HIPK2: variants seen among roughly 807,000 people sequenced by gnomAD.
HIPK2 encodes homeodomain interacting protein kinase 2, also known as homeodomain-interacting protein kinase 2.
In HIPK2, 27 loss-of-function variants were observed where a neutral mutation model predicts 113.7. The ratio of observed to expected loss-of-function variants is 0.24; its 90% CI spans 0.17 to 0.33. The LOEUF (loss-of-function observed/expected upper bound fraction) is 0.33, where lower values mean the gene tolerates loss of function less well. HIPK2 is among the 10% of genes least tolerant of loss of function. The probability of loss-of-function intolerance (pLI) is 1.00; values close to 1 mark genes in which losing one functional copy is unlikely to be tolerated. For synonymous variants in HIPK2, 631 were observed against 642.2 expected (o/e 0.98, Z 0.26); for missense variants, 1,257 against 1,588.0 (o/e 0.79, Z 3.54).
intron 7 of HIPK2, among the ~76,000 whole-genome samples, chr7:139,615,995 T>C (rs1800028802): frequency 6.6e-6 from 1 of 152,166 alleles, no homozygotes. Context: ...GTTTTCTCCA[T>C]ATCGCGATCT....
In HIPK2 at chr7:139,664,891, T is replaced by TA. The variant is rs1196028159; in HGVS notation, c.1104-33167dup. ...ATCATTTGCATAGACATCCTACAGA[T>TA]ATCAGCTATTTACAACATACCAACA... On this transcript the variant is annotated intron_variant, in intron 2 of 14. Transcript: ENST00000406875. 9.8e-5 allele frequency among the ~76,000 whole-genome samples: 15 copies of TA among 152,340 alleles called. No homozygotes were observed. The South Asian group carries it at 2.7e-3, about 27-fold the overall frequency.
intron 1 of HIPK2, among the ~76,000 whole-genome samples, chr7:139,751,960 G>T (rs905819658): frequency 6.6e-6 from 1 of 152,058 alleles, no homozygotes; most frequent in Non-Finnish European, 1.5e-5. Context: ...AGAGAGAAAG[G>T]GAAGAAGAAA....
At chr7:139,755,885 TC>T (rs1796353972) in intron 1 of HIPK2, among the ~76,000 whole-genome samples, 2 of 152,236 alleles carry the variant, frequency 1.3e-5, no homozygotes, top group Admixed American at 1.3e-4. Context: ...CATCTGCCCT[TC>T]AGATACTGCT....
At chr7:139,715,795 CG>C in intron 2 of HIPK2, 136 bp downstream of exon 2, 4 of 1,237,496 alleles carry the variant, frequency 3.2e-6, no homozygotes, top group Non-Finnish European at 4.4e-6. Context: ...GTCCTAATTT[CG>C]TAAGTACATT....
intron 1 of HIPK2, among the ~76,000 whole-genome samples, chr7:139,734,004 C>T (rs1228184225): frequency 6.6e-6 from 1 of 152,178 alleles, no homozygotes; most frequent in Non-Finnish European, 1.5e-5. Flanking sequence ...TTTGTTACTG[C>T]TGTACAACTT....
Position 139,583,861 on chromosome 7 carries a change from G to A in HIPK2, c.2921C>T (p.Thr974Ile), listed in dbSNP as rs757498258. ...PRTIIVPPLK[T>I]QASEVLVECD... ...CTCCACCAATACTTCGCTGGCCTGG[G>A]TTTTCAGGGGTGGCACGATGATGGT... Residue 974 changes from threonine (T) to isoleucine (I), a missense_variant, in exon 13 of 15, where the codon ACC becomes ATC. Physicochemically the swap from Thr to Ile is moderately conservative, Grantham distance 89. Around this residue, in one of 5 missense-constraint regions of HIPK2, gnomAD observed 862 missense variants for 1,004.3 expected, o/e 0.86. Transcript: ENST00000406875. 1 of 1,613,256 alleles carries A rather than the reference G, an allele frequency of 6.2e-7. No individual in the cohort carries two copies. Among genetic ancestry groups the A allele is most frequent in the South Asian group, 1.1e-5 (1 of 90,914 alleles).
rs1017084929 is a variant in HIPK2, at chr7:139,613,141, T to C, written c.2112+61A>G. 7 of 1,595,738 alleles carry C rather than the reference T, an allele frequency of 4.4e-6. No homozygotes were observed. In the African/African-American group the frequency reaches 5.4e-5, roughly 12 times the overall value. On this transcript the variant is annotated intron_variant, in intron 9 of 14. Coordinates refer to ENST00000406875, the MANE Select transcript of HIPK2 (RefSeq NM_022740.5). This position sits in a 1 kb window ranked among gnomAD's most constrained non-coding sequence, Gnocchi z 4.2. ...GAGAGGGAGTGGAGATATATATCTT[T>C]TGTGAACAACATTAACACAGGTAAT...
Position 139,613,413 on chromosome 7 carries a change from T to C in HIPK2, c.1991-90A>G, listed in dbSNP as rs1799909025. 6.7e-7 allele frequency: 1 copy of C among 1,501,736 alleles called. No homozygotes were observed. The allele number at this position is 1,501,736 out of a possible 1,614,324, so 93.0% of individuals were successfully genotyped here. A position where few individuals can be genotyped will look rare whatever the true frequency, so the allele number is the denominator to read the frequency against. ...AACCTTCCTGGGCAGTTATGTCAAC[T>C]TTCTGCTTCCCTTTGCACTGGTCAC... On this transcript the variant is annotated intron_variant, in intron 8 of 14. Coordinates refer to ENST00000406875, the MANE Select transcript of HIPK2 (RefSeq NM_022740.5). This position sits in a 1 kb window ranked among gnomAD's most constrained non-coding sequence, Gnocchi z 4.2.
At chr7:139,598,996 C>T (rs757564178) in intron 11 of HIPK2, among the ~76,000 whole-genome samples, 2 of 152,190 alleles carry the variant, frequency 1.3e-5, no homozygotes, top group Non-Finnish European at 2.9e-5. Flanking sequence ...TGGAGGATGA[C>T]AACTTCAGCC....
At chr7:139,693,393 T>C (rs1412092712) in intron 2 of HIPK2, among the ~76,000 whole-genome samples, 1 of 152,222 alleles carries the variant, frequency 6.6e-6, no homozygotes, top group Admixed American at 6.5e-5. Context: ...ACACATTTCA[T>C]CACATTTATA....
rs759029655 is a variant in HIPK2 at position 139,573,432 on chromosome 7, G to T, written c.3127-35C>A. ...AGAGGCACCAAGAGAGACGTCAGGGGCCGACACATGGGGAGGAAGGAATGG... is the reference window on the plus strand; with the variant it reads ...AGAGGCACCAAGAGAGACGTCAGGGTCCGACACATGGGGAGGAAGGAATGG... On this transcript the variant is annotated intron_variant, in intron 14 of 14. Transcript: ENST00000406875. 1.6e-5 allele frequency: 25 copies of T among 1,586,212 alleles called. No homozygotes were observed. The South Asian group carries it at 2.8e-4, about 18-fold the overall frequency.
intron 2 of HIPK2, among the ~76,000 whole-genome samples, chr7:139,660,053 C>G (rs1006002618): frequency 1.1e-4 from 16 of 152,274 alleles, no homozygotes; most frequent in South Asian, 6.2e-4. Flanking sequence ...CCAAGAAAAC[C>G]TTTTATCAAA....
At chr7:139,583,599 T>C in intron 13 of HIPK2, 1 of 612,230 alleles carries the variant, frequency 1.6e-6, no homozygotes, top group Non-Finnish European at 2.8e-6. Context: ...AGAGAGGTAT[T>C]GATTACAGGA....
intron 1 of HIPK2, among the ~76,000 whole-genome samples, chr7:139,747,305 T>C (rs1796205500): frequency 1.3e-5 from 2 of 152,194 alleles, no homozygotes; most frequent in African/African-American, 2.4e-5. Context: ...AAGTCTAGTA[T>C]GACAGACTCA....
intron 1 of HIPK2, among the ~76,000 whole-genome samples, chr7:139,725,068 C>T (rs1795532002): frequency 6.6e-6 from 1 of 152,032 alleles, no homozygotes. Context: ...GGGTCCTCTA[C>T]ATAAAAAAAG....
At chr7:139,773,589 TC>T (rs1796689239) in intron 1 of HIPK2, among the ~76,000 whole-genome samples, 1 of 152,172 alleles carries the variant, frequency 6.6e-6, no homozygotes, top group South Asian at 2.1e-4. Context: ...CAAAGGTGGT[TC>T]CCCAAGACTG....
At chr7:139,617,355 T>C (rs1349064036) in intron 7 of HIPK2, among the ~76,000 whole-genome samples, 1 of 152,238 alleles carries the variant, frequency 6.6e-6, no homozygotes, top group Non-Finnish European at 1.5e-5. Flanking sequence ...TGTGCACCAC[T>C]GTGCCTAGTG....
At chr7:139,675,835 G>C (rs879767395) in intron 2 of HIPK2, among the ~76,000 whole-genome samples, 1 of 152,238 alleles carries the variant, frequency 6.6e-6, no homozygotes, top group Admixed American at 6.5e-5. Context: ...CAACCCCAAC[G>C]CTTAGATAAG....
chr7:139,602,789 G>C (rs1481992980), intron 10 of HIPK2, among the ~76,000 whole-genome samples: 1 of 152,194 alleles, frequency 6.6e-6, no homozygotes, highest in East Asian at 1.9e-4. Context: ...GATGGTGCAT[G>C]TTAAATATAG....
Sources: allele counts gnomAD v4.1 joint callset (sites outside exome capture counted in the v4.1 genomes callset), GRCh38; gene constraint gnomAD v4.1.1; regional missense constraint gnomAD v4.1.1; non-coding constraint Gnocchi (gnomAD v3.1); transcripts MANE v1.5; gene names NCBI Gene and HGNC (gene_info 2026-07-23, HGNC 2026-07-21).